IL16: variants seen among roughly 807,000 people sequenced by gnomAD.
IL16 encodes the protein pro-interleukin-16.
A neutral mutation model predicts 110.1 loss-of-function variants in IL16; 67 were observed. That is an observed-to-expected ratio of 0.61 (90% CI 0.50 to 0.75). IL16 has a LOEUF of 0.75. IL16 is among the 30% of genes least tolerant of loss of function. The probability of loss-of-function intolerance (pLI) is 0.00; values close to 1 mark genes in which losing one functional copy is unlikely to be tolerated. For synonymous variants in IL16, 689 were observed against 662.9 expected (o/e 1.04, Z -0.61); for missense variants, 1,545 against 1,655.0 (o/e 0.93, Z 1.15).
In IL16 at chr15:81,264,162, CTG is replaced by C. The variant is rs200514534; in HGVS notation, c.422-1493_422-1492del. On this transcript the variant is annotated intron_variant, in intron 3 of 18. Transcript: ENST00000683961. Reference sequence around the variant, plus strand: ...CTCCTCTCACCCCCCTTTCTTGATTCTGTGTCCTCTCTTTGCAGCGTGTGGTT... The same window carrying C: ...CTCCTCTCACCCCCCTTTCTTGATTCTGTCCTCTCTTTGCAGCGTGTGGTT... Among the ~76,000 whole-genome samples, 1,002 of 152,318 alleles carry C rather than the reference CTG, an allele frequency of 6.6e-3. 15 individuals carry two copies. Among genetic ancestry groups the C allele is most frequent in the African/African-American group, 0.022 (934 of 41,570 alleles).
At chr15:81,220,546 C>T (rs905583362) in intron 1 of IL16, among the ~76,000 whole-genome samples, 1 of 152,104 alleles carries the variant, frequency 6.6e-6, no homozygotes, top group Non-Finnish European at 1.5e-5. Context: ...AAAATTACCC[C>T]CTGGGCTAGA....
chr15:81,242,888 T>C (rs1897383564), intron 2 of IL16, among the ~76,000 whole-genome samples: 2 of 151,874 alleles, frequency 1.3e-5, no homozygotes, highest in African/African-American at 4.8e-5. Flanking sequence ...TATTCTCCTC[T>C]AGTCCTAGTG....
chr15:81,302,463 C>T lies in IL16; in HGVS notation c.3318+951C>T, dbSNP rs17875519. On this transcript the variant is annotated intron_variant, in intron 15 of 18. Transcript: ENST00000683961. The stretch of plus-strand genomic sequence containing the variant: ...AAGAGCCTTCTACAAGGCAAGTAAC[C>T]TGATACTTGGGTAAAAGTTGAGAGA... Among the ~76,000 whole-genome samples the T allele has an allele frequency of 7.2e-3, 1,089 of 152,300 alleles. 11 individuals carry two copies. Among genetic ancestry groups the T allele is most frequent in the African/African-American group, 0.025 (1,053 of 41,564 alleles).
chr15:81,221,674 C>G (rs1432042637), intron 1 of IL16, among the ~76,000 whole-genome samples: 2 of 141,268 alleles, frequency 1.4e-5, no homozygotes, highest in South Asian at 4.3e-4. Flanking sequence ...TGCAATTGTT[C>G]TCTTCCTTTA....
At chr15:81,292,517 A>G in intron 11 of IL16, 39 bp from the exon 12 acceptor site, 1 of 1,612,736 alleles carries the variant, frequency 6.2e-7, no homozygotes, top group South Asian at 1.1e-5. Context: ...CTGTTTTCTG[A>G]AGCTCAGCTG....
In IL16 at chr15:81,279,729, G is replaced by A. The variant is rs765353678; in HGVS notation, c.1036G>A (p.Ala346Thr). Residue 346 changes from alanine (A) to threonine (T), a missense_variant, in exon 8 of 19, where the codon GCC (alanine) becomes ACC (threonine). By Grantham distance (58) the Ala-to-Thr change is moderately conservative (BLOSUM62 0). Coordinates refer to ENST00000683961, the MANE Select transcript of IL16 (RefSeq NM_172217.5). ...LESPSAPIST[A>T]KPNYRIMVEV... ...AAGCCCCTCGGCTCCCATCAGCACC[G>A]CCAAGCCCAATTACAGAATCATGGT... 30 of 1,614,090 alleles carry A rather than the reference G, an allele frequency of 1.9e-5. No individual in the cohort carries two copies. The highest frequency in any genetic ancestry group is 8.3e-5 in the Admixed American group (5 of 59,998).
At chr15:81,275,820 A>G (rs114097646) in intron 6 of IL16, among the ~76,000 whole-genome samples, 2 of 152,206 alleles carry the variant, frequency 1.3e-5, no homozygotes, top group Non-Finnish European at 2.9e-5. Context: ...CAAATACATT[A>G]GTTGCAACAA....
At chr15:81,259,484 A>G (rs748598752) in intron 2 of IL16, among the ~76,000 whole-genome samples, 2 of 152,224 alleles carry the variant, frequency 1.3e-5, no homozygotes, top group Non-Finnish European at 2.9e-5. Context: ...CACAATGTCT[A>G]ACAAAGAACT....
chr15:81,280,869 C>T (rs1205459843), intron 8 of IL16, among the ~76,000 whole-genome samples: 1 of 152,186 alleles, frequency 6.6e-6, no homozygotes, highest in Non-Finnish European at 1.5e-5. Flanking sequence ...AGTGCATTTG[C>T]TGAGCAGGCA....
At chr15:81,229,190 A>T (rs1201866652) in intron 2 of IL16, among the ~76,000 whole-genome samples, 1 of 152,196 alleles carries the variant, frequency 6.6e-6, no homozygotes, top group African/African-American at 2.4e-5. Flanking sequence ...GGAGACAGGG[A>T]CAAACTGGAT....
chr15:81,231,466 C>T (rs1896986146), intron 2 of IL16, among the ~76,000 whole-genome samples: 1 of 152,018 alleles, frequency 6.6e-6, no homozygotes, highest in East Asian at 1.9e-4. Flanking sequence ...CTCAACCTCC[C>T]AGGCTCAAGT....
At chr15:81,270,116 G>A (rs1183816654) in intron 5 of IL16, among the ~76,000 whole-genome samples, 1 of 152,224 alleles carries the variant, frequency 6.6e-6, no homozygotes, top group African/African-American at 2.4e-5. Flanking sequence ...GCTTTTGGCT[G>A]TCAATTGTAG....
chr15:81,256,986 T>G (rs547491698), intron 2 of IL16, among the ~76,000 whole-genome samples: 1 of 152,350 alleles, frequency 6.6e-6, no homozygotes, highest in Admixed American at 6.5e-5. Context: ...ATCTTTTGCA[T>G]ATTGTGTTTT....
At position 81,218,400 on chromosome 15, in the gene IL16, G is replaced by C. The variant is rs769988873; in HGVS notation, c.-101-6899G>C. Among the ~76,000 whole-genome samples the C allele has an allele frequency of 2.6e-5, 4 of 152,140 alleles. No homozygotes were observed. The South Asian group carries it at 8.3e-4, about 31-fold the overall frequency. The stretch of plus-strand genomic sequence containing the variant: ...ACAACAATTTTCTAAAAAGTCCCTG[G>C]ATGGGAAGACTTTCTCCCCTAATTC... On this transcript the variant is annotated intron_variant, in intron 1 of 18. Transcript: ENST00000683961.
rs1001391926 is a variant in IL16, at chr15:81,293,038, G to T, written c.1902+1G>T. The T allele has an allele frequency of 6.2e-7, 1 of 1,601,896 alleles. No individual in the cohort carries two copies. Among genetic ancestry groups the T allele is most frequent in the African/African-American group, 1.3e-5 (1 of 74,570 alleles). On this transcript the variant is annotated splice_donor_variant, in intron 12 of 18. Coordinates refer to ENST00000683961, the MANE Select transcript of IL16 (RefSeq NM_172217.5). LOFTEE classifies it high-confidence loss of function. The stretch of plus-strand genomic sequence containing the variant: ...GCACACCCCACCCACCTGTGGCCAG[G>T]TAAGAGGATGGGTCCACAGGTTGAG...
chr15:81,244,930 C>A (rs941044435), intron 2 of IL16, among the ~76,000 whole-genome samples: 6 of 152,180 alleles, frequency 3.9e-5, no homozygotes, highest in African/African-American at 9.6e-5. Context: ...TTAATTGATT[C>A]TTTCCTCTGT....
chr15:81,225,131 C>A (rs1456100886), intron 1 of IL16, among the ~76,000 whole-genome samples, 168 bp from the exon 2 acceptor site: 2 of 152,142 alleles, frequency 1.3e-5, no homozygotes, highest in Non-Finnish European at 2.9e-5. Context: ...GTTAACTGAG[C>A]CCCATTTGGC....
At chr15:81,304,980 T>C (rs1900478525) in intron 16 of IL16, among the ~76,000 whole-genome samples, 1 of 152,190 alleles carries the variant, frequency 6.6e-6, no homozygotes, top group African/African-American at 2.4e-5. Context: ...GATATTTTTG[T>C]GTGTTTGTTT....
intron 5 of IL16, among the ~76,000 whole-genome samples, chr15:81,272,485 G>A (rs1204537693): frequency 6.6e-6 from 1 of 152,168 alleles, no homozygotes; most frequent in Non-Finnish European, 1.5e-5. Context: ...ACAATTCCAG[G>A]ATATGTTTGT....
Sources: allele counts gnomAD v4.1 joint callset (sites outside exome capture counted in the v4.1 genomes callset), GRCh38; gene constraint gnomAD v4.1.1; transcripts MANE v1.5; gene names NCBI Gene and HGNC (gene_info 2026-07-23, HGNC 2026-07-21).